APBB2: variants seen among roughly 807,000 people sequenced by gnomAD.
APBB2 encodes the protein Fe65-like 1.
APBB2 carries 38 observed loss-of-function variants against 82.5 expected under a neutral mutation model. The ratio of observed to expected loss-of-function variants is 0.46; its 90% CI spans 0.36 to 0.60. The LOEUF (loss-of-function observed/expected upper bound fraction) is 0.60, where lower values mean the gene tolerates loss of function less well. APBB2 is among the 20% of genes least tolerant of loss of function. The probability of loss-of-function intolerance (pLI) is 0.00; values close to 1 mark genes in which losing one functional copy is unlikely to be tolerated. For synonymous variants in APBB2, 341 were observed against 368.2 expected, an observed-to-expected ratio of 0.93 and a Z score of 0.85; for missense variants, 772 against 972.3, an observed-to-expected ratio of 0.79 and a Z score of 2.74.
chr4:40,945,185 T>C lies in APBB2; in HGVS notation c.836-112A>G, dbSNP rs1215859804. ...GCAGACGTGTCCATAGTCCAAATGA[T>C]TAGTTCTTCCTGGTATGTTTGTGAA... On this transcript the variant is annotated intron_variant, in intron 6 of 17. Coordinates refer to ENST00000508593, the MANE Select transcript of APBB2 (RefSeq NM_004307.2). 3 of 754,864 alleles carry C rather than the reference T, an allele frequency of 4.0e-6. No homozygotes were observed. In the East Asian group the frequency reaches 8.0e-5, roughly 20 times the overall value. The allele number at this position is 754,864 out of a possible 1,614,324, so 46.8% of individuals were successfully genotyped here. A position where few individuals can be genotyped will look rare whatever the true frequency, so the allele number is the denominator to read the frequency against.
rs534743120 is a variant in APBB2 at position 40,881,231 on chromosome 4, G to T, written c.1529+9133C>A. ...AAGACAATACTATAGTGTAGGGAGA[G>T]AATTATTGTTCCTTCCTGAAGACTT... On this transcript the variant is annotated intron_variant, in intron 12 of 17. Transcript: ENST00000508593. 1.8e-5 allele frequency: 18 copies of T among 985,344 alleles called. No homozygotes were observed. The South Asian group carries it at 2.3e-4, about 13-fold the overall frequency. 61.0% of individuals were successfully genotyped at this position (985,344 alleles called of 1,614,324 possible).
At chr4:40,961,667 T>TAA (rs60942744) in intron 6 of APBB2, among the ~76,000 whole-genome samples, 25 of 68,234 alleles carry the variant, frequency 3.7e-4, no homozygotes, top group Admixed American at 9.0e-4. Flanking sequence ...AAAAAAGATG[T>TAA]AAAAAAAAAA....
intron 6 of APBB2, among the ~76,000 whole-genome samples, chr4:41,001,615 C>T (rs1048538588): frequency 6.6e-6 from 1 of 152,200 alleles, no homozygotes; most frequent in Non-Finnish European, 1.5e-5. Context: ...TGGTGGCTCA[C>T]GCCTGTAATC....
At chr4:40,982,290 G>GA (rs1370546722) in intron 6 of APBB2, among the ~76,000 whole-genome samples, 7 of 36,220 alleles carry the variant, frequency 1.9e-4, no homozygotes, top group African/African-American at 1.1e-3. Flanking sequence ...AAGAAGGAAG[G>GA]AAGGAAGGAA....
intron 1 of APBB2, among the ~76,000 whole-genome samples, chr4:41,191,675 A>G (rs1325142541): frequency 6.6e-6 from 1 of 152,238 alleles, no homozygotes; most frequent in Admixed American, 6.5e-5. Flanking sequence ...CTCCCAGAAG[A>G]GAACATAAGG....
intron 2 of APBB2, among the ~76,000 whole-genome samples, chr4:41,121,993 C>T (rs1338969407): frequency 1.3e-5 from 2 of 152,090 alleles, no homozygotes; most frequent in Non-Finnish European, 2.9e-5. Context: ...GTGGCCCCAT[C>T]TCGACTCACT....
intron 1 of APBB2, among the ~76,000 whole-genome samples, chr4:41,183,370 A>G (rs1267572123): frequency 6.6e-6 from 1 of 152,170 alleles, no homozygotes; most frequent in Non-Finnish European, 1.5e-5. Flanking sequence ...TACAGGTTGA[A>G]CTGTGTCCCT....
At chr4:41,002,334 C>A (rs1026771954) in intron 6 of APBB2, among the ~76,000 whole-genome samples, 2 of 152,208 alleles carry the variant, frequency 1.3e-5, no homozygotes, top group African/African-American at 2.4e-5. Context: ...AAATTTCAAG[C>A]ACGTTTTGCT....
At chr4:40,980,812 C>A (rs1798275767) in intron 6 of APBB2, among the ~76,000 whole-genome samples, 1 of 152,186 alleles carries the variant, frequency 6.6e-6, no homozygotes, top group South Asian at 2.1e-4. Context: ...TTCCCCAACT[C>A]AGGCTTTTTC....
intron 2 of APBB2, among the ~76,000 whole-genome samples, chr4:41,110,936 A>G (rs1179883032): frequency 6.6e-6 from 1 of 152,220 alleles, no homozygotes; most frequent in African/African-American, 2.4e-5. Context: ...TGAAGTAACT[A>G]TACAACTCAC....
intron 1 of APBB2, among the ~76,000 whole-genome samples, chr4:41,176,896 GCCTTACA>G (rs1021066403): frequency 4.0e-5 from 6 of 151,814 alleles, no homozygotes; most frequent in Admixed American, 1.3e-4. Context: ...GCCAGAGCAT[GCCTTACA>G]CCTCTACTTC....
intron 1 of APBB2, among the ~76,000 whole-genome samples, chr4:41,158,831 G>C (rs1764128000): frequency 6.6e-6 from 1 of 152,060 alleles, no homozygotes. Flanking sequence ...GTTTCTCAAG[G>C]TCACCCCACA....
rs1224943738 is a variant in APBB2, at chr4:40,812,358, G to T, written c.*3734C>A. 6.6e-6 allele frequency: 1 copy of T among 152,210 alleles called. No individual in the cohort carries two copies. The highest frequency in any genetic ancestry group is 2.4e-5 in the African/African-American group (1 of 41,448). The allele number at this position is 152,210 out of a possible 1,614,324, so 9.4% of individuals were successfully genotyped here. ...AATTACATTTAAATGTGTAAAAGTG[G>T]TCAACAGGAAAAGGGCATAAAGGAA... On this transcript the variant is annotated 3_prime_UTR_variant, in exon 18 of 18. Transcript: ENST00000508593.
At chr4:40,909,192 G>A (rs1270670067) in intron 10 of APBB2, among the ~76,000 whole-genome samples, 1 of 152,200 alleles carries the variant, frequency 6.6e-6, no homozygotes, top group Non-Finnish European at 1.5e-5. Flanking sequence ...GCCCCACAGC[G>A]ACTCTCATTA....
chr4:41,036,944 T>C (rs866436273), intron 4 of APBB2, among the ~76,000 whole-genome samples: 7 of 152,130 alleles, frequency 4.6e-5, no homozygotes, highest in Admixed American at 1.3e-4. Flanking sequence ...ACTTGGAAAA[T>C]AGGCAAACAC....
At chr4:40,884,124 C>A (rs1418114340) in intron 12 of APBB2, among the ~76,000 whole-genome samples, 1 of 152,180 alleles carries the variant, frequency 6.6e-6, no homozygotes, top group Non-Finnish European at 1.5e-5. Flanking sequence ...GACCATTCAC[C>A]ATCTCTTGTC....
chr4:40,822,175 C>G (rs1242329373), intron 16 of APBB2, 125 bp from the exon 17 acceptor site: 13 of 1,165,300 alleles, frequency 1.1e-5, no homozygotes, highest in Non-Finnish European at 1.5e-5. Context: ...CTGTGTTTTT[C>G]TCGAAAGGCG....
At chr4:40,822,210 G>A in intron 16 of APBB2, 160 bp from the exon 17 acceptor site, 1 of 738,072 alleles carries the variant, frequency 1.4e-6, no homozygotes, top group Non-Finnish European at 2.2e-6. Context: ...TGTCTGAAGA[G>A]GCCATCACTG....
At chr4:40,863,913 A>AAAAAAAAC (rs1440352855) in intron 12 of APBB2, among the ~76,000 whole-genome samples, 1 of 150,214 alleles carries the variant, frequency 6.7e-6, no homozygotes, top group Non-Finnish European at 1.5e-5. Flanking sequence ...AAAAAAAAAA[A>AAAAAAAAC]AAAGCAAGCC....
Sources: allele counts gnomAD v4.1 joint callset (sites outside exome capture counted in the v4.1 genomes callset), GRCh38; gene constraint gnomAD v4.1.1; transcripts MANE v1.5; gene names NCBI Gene and HGNC (gene_info 2026-07-23, HGNC 2026-07-21).